Variants in RBFOX2 observed in about 807,000 individuals in gnomAD.
RBFOX2 encodes the protein RNA binding protein fox-1 homolog 2.
In RBFOX2, 10 loss-of-function variants were observed where a neutral mutation model predicts 49.1. The ratio of observed to expected loss-of-function variants is 0.20; its 90% CI spans 0.13 to 0.35. RBFOX2 has a LOEUF of 0.35. Among genes scored for constraint, RBFOX2 ranks in the 10% least tolerant of loss-of-function variants. The pLI is 1.00. For missense variants in RBFOX2, 323 were observed against 486.9 expected (o/e 0.66, Z 3.17); for synonymous variants, 183 against 187.4 (o/e 0.98, Z 0.19).
intron 1 of RBFOX2, among the ~76,000 whole-genome samples, chr22:35,827,502 A>G (rs1427642783): frequency 6.6e-6 from 1 of 152,064 alleles, no homozygotes; most frequent in Non-Finnish European, 1.5e-5. Context: ...CTACCACTAA[A>G]CCTCACTCAA....
intron 1 of RBFOX2, chr22:35,993,402 A>C (rs2058060501): frequency 6.6e-6 from 1 of 152,226 alleles, no homozygotes; most frequent in African/African-American, 2.4e-5. Flanking sequence ...AGTATTTGAT[A>C]CTACTCCATT....
At position 36,026,541 on chromosome 22, in the gene RBFOX2, TACACAC is replaced by T. The variant is rs3075271; in HGVS notation, c.186+1693_186+1698del. On this transcript the variant is annotated intron_variant, in intron 1 of 13. Coordinates refer to the RBFOX2 transcript ENST00000438146. ...TTGACAGAAATGATAAATGAATACA[TACACAC>T]ACACACACACACACACACACACACA... Among the ~76,000 whole-genome samples, 149 of 136,644 alleles carry T rather than the reference TACACAC, an allele frequency of 1.1e-3. 1 individual carries two copies. The South Asian group carries it at 0.013, about 12-fold the overall frequency. 89.6% of individuals were successfully genotyped at this position (136,644 alleles called of 152,430 possible).
At chr22:35,824,985 C>T (rs1051460458) in intron 1 of RBFOX2, among the ~76,000 whole-genome samples, 14 of 152,222 alleles carry the variant, frequency 9.2e-5, no homozygotes, top group African/African-American at 3.4e-4. Flanking sequence ...TTTGGGAGGC[C>T]GAGGCGGGTG....
chr22:35,793,575 A>C (rs997005780), intron 2 of RBFOX2, among the ~76,000 whole-genome samples: 4 of 152,214 alleles, frequency 2.6e-5, no homozygotes, highest in Non-Finnish European at 5.9e-5. Flanking sequence ...AAAATAATAT[A>C]TAAGACAATT....
At chr22:35,810,976 C>A (rs761775064) in intron 1 of RBFOX2, among the ~76,000 whole-genome samples, 2 of 152,170 alleles carry the variant, frequency 1.3e-5, no homozygotes, top group African/African-American at 2.4e-5. Context: ...TTCTGAAACA[C>A]TGAATTACTG....
At chr22:35,824,758 C>T (rs1159516401) in intron 1 of RBFOX2, among the ~76,000 whole-genome samples, 1 of 152,222 alleles carries the variant, frequency 6.6e-6, no homozygotes, top group African/African-American at 2.4e-5. Context: ...GTAGTTTTCA[C>T]TCCACATTTC....
At chr22:36,026,303 G>A (rs529625758) in intron 1 of RBFOX2, among the ~76,000 whole-genome samples, 2 of 116,972 alleles carry the variant, frequency 1.7e-5, no homozygotes, top group Non-Finnish European at 3.4e-5. Context: ...AATACAAGAA[G>A]TGAAAAAAGG....
intron 1 of RBFOX2, among the ~76,000 whole-genome samples, chr22:35,976,680 C>G (rs916104239): frequency 4.6e-5 from 7 of 152,102 alleles, no homozygotes; most frequent in Non-Finnish European, 7.4e-5. Context: ...ACGAACCACC[C>G]GGCCAGGAAC....
At chr22:35,778,837 G>A (rs779439386) in intron 3 of RBFOX2, among the ~76,000 whole-genome samples, 8 of 152,010 alleles carry the variant, frequency 5.3e-5, no homozygotes, top group Non-Finnish European at 7.4e-5. Flanking sequence ...GGGTTTCACC[G>A]TGTTGGCCAG....
At chr22:35,858,476 T>C (rs576289886) in intron 1 of RBFOX2, among the ~76,000 whole-genome samples, 1 of 152,192 alleles carries the variant, frequency 6.6e-6, no homozygotes, top group South Asian at 2.1e-4. Flanking sequence ...TTTTATTGAT[T>C]AGATGAATTC....
intron 1 of RBFOX2, chr22:35,998,292 A>G (rs2058272142): frequency 6.6e-6 from 1 of 152,224 alleles, no homozygotes; most frequent in Admixed American, 6.5e-5. Context: ...AACCAACTCA[A>G]TCAAAAGCCC....
chr22:35,776,292 T>C (rs1349627441), intron 4 of RBFOX2, among the ~76,000 whole-genome samples: 1 of 152,250 alleles, frequency 6.6e-6, no homozygotes, highest in Non-Finnish European at 1.5e-5. Context: ...CTGGTTGCAG[T>C]CTGAATAGAC....
chr22:35,980,253 G>C (rs971675794), intron 1 of RBFOX2, among the ~76,000 whole-genome samples: 1 of 150,944 alleles, frequency 6.6e-6, no homozygotes, highest in African/African-American at 2.5e-5. Context: ...CCATAAATAG[G>C]AAAAAGAATG....
chr22:35,899,122 AATAACATAACATAAC>A (rs59505989), intron 1 of RBFOX2, among the ~76,000 whole-genome samples: 47 of 139,320 alleles, frequency 3.4e-4, no homozygotes, highest in Middle Eastern at 3.6e-3. Context: ...CTGTCTCAAA[AATAACATAACATAAC>A]ATAACATAAC....
chr22:35,847,244 T>C (rs1349027667), intron 1 of RBFOX2, among the ~76,000 whole-genome samples: 2 of 152,228 alleles, frequency 1.3e-5, no homozygotes, highest in South Asian at 2.1e-4. Context: ...ACTCTTAAAA[T>C]AGGCATGATT....
chr22:35,898,049 C>T, intron 1 of RBFOX2: 2 of 728,482 alleles, frequency 2.7e-6, no homozygotes, highest in East Asian at 2.6e-5. Flanking sequence ...TGTTCCACTA[C>T]TCGTCAGATA....
chr22:36,010,608 C>T (rs1331752458), intron 1 of RBFOX2, among the ~76,000 whole-genome samples: 3 of 152,014 alleles, frequency 2.0e-5, no homozygotes, highest in Non-Finnish European at 2.9e-5. Flanking sequence ...AAGCCAACTC[C>T]GAAAGGCACA....
chr22:36,011,703 C>T (rs559304538), intron 1 of RBFOX2, among the ~76,000 whole-genome samples: 1 of 152,028 alleles, frequency 6.6e-6, no homozygotes, highest in Admixed American at 6.5e-5. Context: ...GACTCTTCTA[C>T]ATTTTGCATA....
chr22:35,826,786 C>T (rs551543224), intron 1 of RBFOX2, among the ~76,000 whole-genome samples: 2 of 152,158 alleles, frequency 1.3e-5, no homozygotes, highest in Non-Finnish European at 2.9e-5. Context: ...TTTAACTTAA[C>T]AAATCAGGCA....
Sources: allele counts gnomAD v4.1 joint callset (sites outside exome capture counted in the v4.1 genomes callset), GRCh38; gene constraint gnomAD v4.1.1; transcripts MANE v1.5; gene names NCBI Gene and HGNC (gene_info 2026-07-23, HGNC 2026-07-21).